TAF4B: variants seen among roughly 807,000 people sequenced by gnomAD.
TAF4B encodes the protein TATA-box binding protein associated factor 4b.
In TAF4B, 38 loss-of-function variants were observed where a neutral mutation model predicts 86.4. The observed-to-expected ratio is 0.44, with a 90% CI of 0.34 to 0.58. The LOEUF is 0.58. Among genes scored for constraint, TAF4B ranks in the 20% least tolerant of loss-of-function variants. The pLI is 0.02. For synonymous variants in TAF4B, 388 were observed against 391.2 expected, an observed-to-expected ratio of 0.99 and a Z score of 0.10; for missense variants, 988 against 1,027.6, an observed-to-expected ratio of 0.96 and a Z score of 0.53.
At chr18:26,375,266 A>G (rs1264616685) in intron 14 of TAF4B, among the ~76,000 whole-genome samples, 1 of 152,042 alleles carries the variant, frequency 6.6e-6, no homozygotes, top group Non-Finnish European at 1.5e-5. Context: ...CTTGTTTTTG[A>G]TTGAATAATA....
intron 14 of TAF4B, among the ~76,000 whole-genome samples, chr18:26,388,387 A>C (rs1978502363): frequency 6.6e-6 from 1 of 152,250 alleles, no homozygotes; most frequent in African/African-American, 2.4e-5. Context: ...CAGTACATTC[A>C]GTTTAGAAAA....
chr18:26,232,144 A>G (rs963399977), intron 1 of TAF4B, among the ~76,000 whole-genome samples: 3 of 152,214 alleles, frequency 2.0e-5, no homozygotes, highest in Middle Eastern at 3.4e-3. Flanking sequence ...GCATTTTACA[A>G]TCCTCTCGTA....
In TAF4B at chr18:26,231,680, C is replaced by T. The variant is rs187988191; in HGVS notation, c.343+4404C>T. 6.6e-5 allele frequency among the ~76,000 whole-genome samples: 10 copies of T among 152,056 alleles called. No individual in the cohort carries two copies. In the East Asian group the frequency reaches 1.4e-3, roughly 21 times the overall value. On this transcript the variant is annotated intron_variant, in intron 1 of 14. Coordinates refer to ENST00000269142, the MANE Select transcript of TAF4B (RefSeq NM_005640.3). The stretch of plus-strand genomic sequence containing the variant: ...TTGTGTCTTTTAAGTATTAGTGTGT[C>T]CAGAGTTGGTTCCTTCTGGTGGGTT...
chr18:26,229,956 A>T (rs912026658), intron 1 of TAF4B, among the ~76,000 whole-genome samples: 2 of 120,782 alleles, frequency 1.7e-5, no homozygotes, highest in South Asian at 2.4e-4. Flanking sequence ...GAACTGGTTT[A>T]AAAAAAAAAT....
chr18:26,354,249 T>A (rs1272203932), intron 13 of TAF4B, among the ~76,000 whole-genome samples: 1 of 152,166 alleles, frequency 6.6e-6, no homozygotes, highest in Non-Finnish European at 1.5e-5. Flanking sequence ...ACTTTTTGTA[T>A]TTTTAGTAGA....
intron 1 of TAF4B, among the ~76,000 whole-genome samples, chr18:26,245,763 G>A (rs907240317): frequency 6.6e-6 from 1 of 152,282 alleles, no homozygotes; most frequent in South Asian, 2.1e-4. Context: ...CTCCAAGTCC[G>A]CACTCGACCC....
chr18:26,284,494 C>A (rs535185872), intron 6 of TAF4B, among the ~76,000 whole-genome samples: 1 of 152,304 alleles, frequency 6.6e-6, no homozygotes, highest in South Asian at 2.1e-4. Flanking sequence ...CAAATGAAAA[C>A]TCCAGGAATG....
chr18:26,340,134 T>C (rs755987681), intron 13 of TAF4B, among the ~76,000 whole-genome samples: 7 of 152,220 alleles, frequency 4.6e-5, no homozygotes, highest in Non-Finnish European at 1.0e-4. Flanking sequence ...TTTGGGATTT[T>C]TGTTTATAGA....
At position 26,286,266 on chromosome 18, in the gene TAF4B, G is replaced by A. The variant is rs2056521487; in HGVS notation, c.1357G>A (p.Glu453Lys). The change falls in exon 7 of 15, where the codon GAA becomes AAA. Residue 453 changes from glutamate (E) to lysine (K), a missense_variant. Glu to Lys is a moderately conservative substitution (Grantham distance 56). Coordinates refer to ENST00000269142, the MANE Select transcript of TAF4B (RefSeq NM_005640.3). ...AGTGACCACGGTCTCACTGCAACCT[G>A]AAAAGCCAGTTGTCTCTGGAACAGC... The part of the protein sequence containing the change: ...NTVTTVSLQP[E>K]KPVVSGTAVT... The A allele has an allele frequency of 6.2e-7, 1 of 1,614,252 alleles. No individual in the cohort carries two copies. Among genetic ancestry groups the A allele is most frequent in the Non-Finnish European group, 8.5e-7 (1 of 1,180,050 alleles).
At chr18:26,381,050 T>A (rs1449194295) in intron 14 of TAF4B, among the ~76,000 whole-genome samples, 1 of 152,166 alleles carries the variant, frequency 6.6e-6, no homozygotes, top group African/African-American at 2.4e-5. Context: ...AGTCTTGCCC[T>A]GTCGCCCAGG....
chr18:26,286,576 G>C, intron 7 of TAF4B, 77 bp downstream of exon 7: 3 of 1,437,694 alleles, frequency 2.1e-6, no homozygotes, highest in Non-Finnish European at 1.9e-6. Context: ...AAGACTAGTA[G>C]AAAACTAGTA....
chr18:26,274,404 A>T (rs2056357611), intron 3 of TAF4B, among the ~76,000 whole-genome samples: 2 of 152,202 alleles, frequency 1.3e-5, no homozygotes, highest in Non-Finnish European at 2.9e-5. Context: ...TGCAGAGAGT[A>T]ATCAGGATTA....
At chr18:26,253,908 C>T (rs2056043079) in intron 1 of TAF4B, among the ~76,000 whole-genome samples, 1 of 119,012 alleles carries the variant, frequency 8.4e-6, no homozygotes, top group Non-Finnish European at 1.7e-5. Flanking sequence ...CCCCCCCACC[C>T]CCCCCATTTT....
intron 1 of TAF4B, among the ~76,000 whole-genome samples, chr18:26,243,777 C>G (rs1486820209): frequency 2.0e-5 from 3 of 152,154 alleles, no homozygotes; most frequent in African/African-American, 7.2e-5. Context: ...GTGTGGGTGT[C>G]CTTTCTGTTA....
At chr18:26,356,370 TA>T (rs960537978) in intron 13 of TAF4B, among the ~76,000 whole-genome samples, 6 of 152,208 alleles carry the variant, frequency 3.9e-5, no homozygotes, top group Admixed American at 3.3e-4. Context: ...TCTGCTTTAC[TA>T]AAGATTCAGT....
At chr18:26,243,988 G>T (rs2055882658) in intron 1 of TAF4B, among the ~76,000 whole-genome samples, 1 of 152,198 alleles carries the variant, frequency 6.6e-6, no homozygotes, top group Non-Finnish European at 1.5e-5. Flanking sequence ...GTGTCAGTTG[G>T]CCCCTACTGG....
intron 1 of TAF4B, among the ~76,000 whole-genome samples, chr18:26,246,539 G>GT (rs112614474): frequency 0.21 from 31,848 of 150,644 alleles, 4,069 homozygotes; most frequent in Non-Finnish European, 0.3. Context: ...TTGTTTTTGT[G>GT]GTTTTTTTTT....
At chr18:26,365,054 G>A (rs985892310) in intron 14 of TAF4B, among the ~76,000 whole-genome samples, 5 of 145,842 alleles carry the variant, frequency 3.4e-5, no homozygotes, top group East Asian at 4.0e-4. Flanking sequence ...GCACCCAGGC[G>A]GGAGTGCAGT....
chr18:26,285,237 G>GTTTTTTTTTTTTT (rs1568127673), intron 6 of TAF4B, among the ~76,000 whole-genome samples: 2 of 8,342 alleles, frequency 2.4e-4, no homozygotes, highest in Non-Finnish European at 2.9e-3. Flanking sequence ...TTTTTTTTTT[G>GTTTTTTTTTTTTT]GAGATGGGGT....
Sources: allele counts gnomAD v4.1 joint callset (sites outside exome capture counted in the v4.1 genomes callset), GRCh38; gene constraint gnomAD v4.1.1; transcripts MANE v1.5; gene names NCBI Gene and HGNC (gene_info 2026-07-23, HGNC 2026-07-21).